Variants in NBAS observed in about 807,000 individuals in gnomAD.
The protein encoded by NBAS is NAG/BC035112 fusion.
NBAS carries 219 observed loss-of-function variants against 302.5 expected under a neutral mutation model. The observed-to-expected ratio is 0.72, with a 90% CI of 0.65 to 0.81. NBAS has a LOEUF of 0.81. NBAS is among the 30% of genes least tolerant of loss of function. NBAS has a pLI of 0.00. For missense variants in NBAS, 2,932 were observed against 2,841.6 expected (o/e 1.03, Z -0.72); for synonymous variants, 1,118 against 1,021.6 (o/e 1.09, Z -1.80).
Position 15,379,723 on chromosome 2 carries a change from G to A in NBAS, c.3469C>T (p.His1157Tyr). 4 of 1,613,990 alleles carry A rather than the reference G, an allele frequency of 2.5e-6. No homozygotes were observed. The highest frequency in any genetic ancestry group is 3.4e-6 in the Non-Finnish European group (4 of 1,179,976). Residue 1157 changes from histidine (H) to tyrosine (Y), a missense_variant, in exon 30 of 52, where the codon CAT becomes TAT. Coordinates refer to ENST00000281513, the MANE Select transcript of NBAS (RefSeq NM_015909.4). ...CSENPPAGIA[H>Y]KGKPHYRVSY... Reference sequence around the variant, plus strand: ...ACCCTGTAGTGGGGTTTCCCTTTATGGGCTATACCAGCTGGAGGATTTTCT... The same window carrying A: ...ACCCTGTAGTGGGGTTTCCCTTTATAGGCTATACCAGCTGGAGGATTTTCT...
chr2:14,863,960 A>AT, the NBAS span, among the ~76,000 whole-genome samples: 1 of 152,132 alleles, frequency 6.6e-6, no homozygotes, highest in African/African-American at 2.4e-5. Flanking sequence ...GCAAAAGCTA[A>AT]TTTTCTACAA....
At chr2:15,554,555 G>A (rs1181126937) in intron 3 of NBAS, among the ~76,000 whole-genome samples, 2 of 150,398 alleles carry the variant, frequency 1.3e-5, no homozygotes, top group Non-Finnish European at 3.0e-5. Flanking sequence ...AAAAGTCACT[G>A]AAAGCTAGAA....
At chr2:15,503,395 G>A (rs565884281) in intron 11 of NBAS, among the ~76,000 whole-genome samples, 1 of 152,152 alleles carries the variant, frequency 6.6e-6, no homozygotes, top group Non-Finnish European at 1.5e-5. Context: ...ATGAAGGCCT[G>A]ACTTTTCATA....
chr2:14,913,879 A>T, the NBAS span, among the ~76,000 whole-genome samples: 1 of 152,186 alleles, frequency 6.6e-6, no homozygotes, highest in Admixed American at 6.5e-5. Flanking sequence ...AGGGATTTCA[A>T]TCCTAGCCTT....
the NBAS span, among the ~76,000 whole-genome samples, chr2:14,901,351 G>A: frequency 3.3e-5 from 5 of 151,882 alleles, no homozygotes; most frequent in African/African-American, 9.7e-5. Flanking sequence ...TAAGTTTAAA[G>A]GAGTTTAGTA....
chr2:15,457,456 G>A lies in NBAS; in HGVS notation c.2339+3745C>T, dbSNP rs1244217511. On this transcript the variant is annotated intron_variant, in intron 21 of 51. Transcript: ENST00000281513. ...GTCAAGGTCATTTTGTTAGTTTTCA[G>A]CATTGCTATTGACGAGAAAAAAGAA... is the stretch of plus-strand genomic sequence containing the variant. 5.3e-5 allele frequency among the ~76,000 whole-genome samples: 8 copies of A among 152,302 alleles called. No individual in the cohort carries two copies. The East Asian group carries it at 1.5e-3, about 29-fold the overall frequency.
At chr2:14,835,602 C>T in the NBAS span, among the ~76,000 whole-genome samples, 2 of 151,916 alleles carry the variant, frequency 1.3e-5, no homozygotes, top group African/African-American at 2.4e-5. Context: ...TGGAATGATA[C>T]GGGGCACATT....
intron 35 of NBAS, among the ~76,000 whole-genome samples, chr2:15,341,806 T>C (rs1043395075): frequency 1.3e-5 from 2 of 152,132 alleles, no homozygotes; most frequent in African/African-American, 4.8e-5. Context: ...TAAGTAAAGA[T>C]ATTATCCCAG....
chr2:15,030,221 G>A, the NBAS span, among the ~76,000 whole-genome samples: 10 of 152,154 alleles, frequency 6.6e-5, no homozygotes, highest in African/African-American at 2.4e-4. Context: ...AAATACACAG[G>A]AGGGCCTAGC....
the NBAS span, among the ~76,000 whole-genome samples, chr2:15,067,172 A>C: frequency 6.8e-6 from 1 of 147,676 alleles, no homozygotes; most frequent in Non-Finnish European, 1.5e-5. Context: ...AAAAAAAAAA[A>C]AAAAAAAAAA....
At chr2:14,798,687 G>A in the NBAS span, among the ~76,000 whole-genome samples, 6 of 151,880 alleles carry the variant, frequency 4.0e-5, no homozygotes, top group Non-Finnish European at 8.8e-5. Context: ...CATTACCCTA[G>A]TAAATTCATC....
chr2:15,549,227 C>T (rs1664259997), intron 6 of NBAS, among the ~76,000 whole-genome samples: 1 of 151,938 alleles, frequency 6.6e-6, no homozygotes, highest in Non-Finnish European at 1.5e-5. Flanking sequence ...TACCAGAAAT[C>T]TAGAAAGCAG....
chr2:15,227,690 C>T (rs1667202851), intron 47 of NBAS, among the ~76,000 whole-genome samples: 1 of 152,068 alleles, frequency 6.6e-6, no homozygotes, highest in African/African-American at 2.4e-5. Context: ...CATGCATTTA[C>T]AGCAACTGAT....
chr2:14,950,038 T>C, the NBAS span, among the ~76,000 whole-genome samples: 1 of 152,232 alleles, frequency 6.6e-6, no homozygotes, highest in African/African-American at 2.4e-5. Flanking sequence ...GCATTAGTTA[T>C]TGGGGTACAG....
At chr2:15,335,950 C>T (rs1052067065) in intron 35 of NBAS, among the ~76,000 whole-genome samples, 4 of 151,980 alleles carry the variant, frequency 2.6e-5, no homozygotes, top group African/African-American at 9.7e-5. Context: ...TAAAAAATTA[C>T]GCAGGCATTG....
At chr2:15,064,851 A>C in the NBAS span, among the ~76,000 whole-genome samples, 77,115 of 151,928 alleles carry the variant, frequency 0.51, 21,831 homozygotes, top group Non-Finnish European at 0.62. Flanking sequence ...TAATAAAATA[A>C]TACCAAATCA....
chr2:15,508,642 T>C (rs1661986793), intron 10 of NBAS, among the ~76,000 whole-genome samples: 1 of 26,886 alleles, frequency 3.7e-5, no homozygotes, highest in South Asian at 9.4e-4. Flanking sequence ...TTTATCTCTA[T>C]GTGTGTGTCT....
the NBAS span, among the ~76,000 whole-genome samples, chr2:15,053,838 AGAAG>A: frequency 1.3e-5 from 2 of 152,112 alleles, no homozygotes; most frequent in Admixed American, 6.5e-5. Context: ...GACACGTTAG[AGAAG>A]GAAGGAAGGA....
chr2:15,402,431 TC>T, intron 25 of NBAS, 130 bp from the exon 26 acceptor site: 2 of 895,864 alleles, frequency 2.2e-6, no homozygotes, highest in Admixed American at 4.3e-5. Context: ...TCTTGATTTT[TC>T]TTTATAGATT....
Sources: gnomAD v4.1 joint callset for allele counts (sites outside exome capture counted in the v4.1 genomes callset) on GRCh38, gnomAD v4.1.1 for gene constraint, MANE v1.5 for transcripts, NCBI Gene and HGNC (gene_info 2026-07-23, HGNC 2026-07-21) for gene names.